CLASP1: variants seen among roughly 807,000 people sequenced by gnomAD.
The protein encoded by CLASP1 is CLIP-associating protein 1.
CLASP1 carries 38 observed loss-of-function variants against 192.3 expected under a neutral mutation model. The observed-to-expected ratio is 0.20, with a 90% CI of 0.15 to 0.26. The LOEUF (loss-of-function observed/expected upper bound fraction) is 0.26, where lower values mean the gene tolerates loss of function less well. Among genes scored for constraint, CLASP1 ranks in the 10% least tolerant of loss-of-function variants. The pLI, the probability that CLASP1 is intolerant of heterozygous loss-of-function variation, is 1.00. For synonymous variants in CLASP1, 691 were observed against 712.8 expected (o/e 0.97, Z 0.49); for missense variants, 1,433 against 1,932.5 (o/e 0.74, Z 4.85).
intron 1 of CLASP1, among the ~76,000 whole-genome samples, chr2:121,607,462 T>C (rs980722148): frequency 1.3e-5 from 2 of 152,330 alleles, no homozygotes; most frequent in South Asian, 2.1e-4. Context: ...AAAATCATGT[T>C]TGAGTAGGGT....
intron 7 of CLASP1, among the ~76,000 whole-genome samples, chr2:121,514,288 A>G (rs950007791): frequency 2.0e-5 from 3 of 152,242 alleles, no homozygotes; most frequent in Admixed American, 2.0e-4. Flanking sequence ...TCCCTGCAGC[A>G]GGGCAGGGTT....
intron 1 of CLASP1, among the ~76,000 whole-genome samples, chr2:121,634,537 T>G (rs556681060): frequency 3.5e-4 from 53 of 152,176 alleles, no homozygotes; most frequent in Non-Finnish European, 6.0e-4. Context: ...CTTTCATGAC[T>G]CCATAAAATC....
At chr2:121,519,794 T>C (rs2094415277) in intron 6 of CLASP1, among the ~76,000 whole-genome samples, 1 of 152,200 alleles carries the variant, frequency 6.6e-6, no homozygotes, top group African/African-American at 2.4e-5. Context: ...GAACTGCAGA[T>C]GAACAGGTAT....
intron 2 of CLASP1, among the ~76,000 whole-genome samples, chr2:121,576,987 T>G (rs1024213216): frequency 2.0e-5 from 3 of 152,172 alleles, no homozygotes; most frequent in Admixed American, 2.0e-4. Flanking sequence ...GGTAATTTTG[T>G]TAGGCGTGAT....
At chr2:121,450,433 A>G (rs573499258) in intron 16 of CLASP1, among the ~76,000 whole-genome samples, 8 of 152,294 alleles carry the variant, frequency 5.3e-5, no homozygotes, top group African/African-American at 1.9e-4. Flanking sequence ...ACTTGTTGAG[A>G]CAGAAACAAC....
At chr2:121,371,136 T>C (rs980869737) in intron 34 of CLASP1, among the ~76,000 whole-genome samples, 13 of 152,228 alleles carry the variant, frequency 8.5e-5, no homozygotes, top group Admixed American at 2.0e-4. Context: ...TAACACTGGT[T>C]ATCTCTAGAG....
At chr2:121,508,240 G>T (rs901225041) in intron 7 of CLASP1, among the ~76,000 whole-genome samples, 2 of 151,592 alleles carry the variant, frequency 1.3e-5, no homozygotes, top group African/African-American at 2.4e-5. Flanking sequence ...AGCAAAAAAA[G>T]AAGAAAACAG....
chr2:121,496,428 TC>T (rs1339322233), intron 8 of CLASP1, among the ~76,000 whole-genome samples: 9 of 152,114 alleles, frequency 5.9e-5, no homozygotes, highest in Admixed American at 3.3e-4. Context: ...TTTGCTCAGT[TC>T]TCTGTCAGCT....
chr2:121,558,551 G>A (rs1187528447), intron 2 of CLASP1, among the ~76,000 whole-genome samples: 1 of 152,172 alleles, frequency 6.6e-6, no homozygotes, highest in East Asian at 1.9e-4. Context: ...AGAAGAGGAA[G>A]AGAAACCTGA....
In CLASP1 at chr2:121,363,156, C is replaced by T. The variant is rs374987543; in HGVS notation, c.4206+16G>A. The T allele has an allele frequency of 9.3e-6, 15 of 1,613,902 alleles. No individual in the cohort carries two copies. The highest frequency in any genetic ancestry group is 1.2e-5 in the Non-Finnish European group (14 of 1,179,834). On this transcript the variant is annotated intron_variant, in intron 37 of 39. Coordinates refer to ENST00000263710, the Ensembl canonical transcript of CLASP1. Reference sequence around the variant, plus strand: ...GACCCGTCTGTTCAGCACCCCTGGCCACATGACTGACTCACCTCCTTATGG... The same window carrying T: ...GACCCGTCTGTTCAGCACCCCTGGCTACATGACTGACTCACCTCCTTATGG...
At chr2:121,462,411 T>C (rs961156504) in intron 10 of CLASP1, 121 bp downstream of exon 10, 13 of 596,122 alleles carry the variant, frequency 2.2e-5, no homozygotes, top group African/African-American at 2.0e-4. Flanking sequence ...AGATCTCCTG[T>C]AGTGCTGACA....
At chr2:121,644,650 G>A (rs927655236) in intron 1 of CLASP1, among the ~76,000 whole-genome samples, 5 of 151,802 alleles carry the variant, frequency 3.3e-5, no homozygotes, top group African/African-American at 9.7e-5. Flanking sequence ...GCAAGACTCC[G>A]TCTTGGGGGC....
intron 7 of CLASP1, among the ~76,000 whole-genome samples, chr2:121,508,502 C>T (rs2094011405): frequency 1.3e-5 from 2 of 152,130 alleles, no homozygotes; most frequent in African/African-American, 4.8e-5. Flanking sequence ...ATAAATTCTA[C>T]CTTGCCAGTA....
chr2:121,544,436 A>T (rs1215460318), intron 2 of CLASP1, among the ~76,000 whole-genome samples: 1 of 138,686 alleles, frequency 7.2e-6, no homozygotes. Context: ...CAAAAAATAT[A>T]TACAAAAAAA....
intron 37 of CLASP1, among the ~76,000 whole-genome samples, chr2:121,354,371 C>T (rs936230343): frequency 6.6e-6 from 1 of 152,210 alleles, no homozygotes; most frequent in Non-Finnish European, 1.5e-5. Flanking sequence ...CTTGGAAGAG[C>T]TCTGTCAGGT....
intron 10 of CLASP1, among the ~76,000 whole-genome samples, chr2:121,461,684 T>C (rs1156793984): frequency 6.6e-6 from 1 of 152,066 alleles, no homozygotes; most frequent in African/African-American, 2.4e-5. Context: ...GAACCCGAGA[T>C]TGTTTTTTGT....
intron 14 of CLASP1, among the ~76,000 whole-genome samples, chr2:121,455,660 G>T (rs2086480673): frequency 6.6e-6 from 1 of 152,144 alleles, no homozygotes; most frequent in African/African-American, 2.4e-5. Flanking sequence ...TGGAGGTTGA[G>T]GCCAGCCTGG....
Position 121,539,002 on chromosome 2 carries a change from T to C in CLASP1, c.196-8677A>G, listed in dbSNP as rs1361601886. 2.0e-5 allele frequency among the ~76,000 whole-genome samples: 3 copies of C among 152,114 alleles called. No homozygotes were observed. The East Asian group carries it at 5.8e-4, about 29-fold the overall frequency. On this transcript the variant is annotated intron_variant, in intron 2 of 39. Transcript: ENST00000263710. ...CTGCCCAAAAAGCTATGTAACAATT[T>C]TTAAAATTTTTTTAAGATAGCTAAA...
chr2:121,484,117 A>T (rs1478092486), intron 8 of CLASP1, among the ~76,000 whole-genome samples: 1 of 152,234 alleles, frequency 6.6e-6, no homozygotes, highest in Non-Finnish European at 1.5e-5. Context: ...AGATAAGTGC[A>T]GTTATTCTAC....
Sources: allele counts gnomAD v4.1 joint callset (sites outside exome capture counted in the v4.1 genomes callset), GRCh38; gene constraint gnomAD v4.1.1; transcripts MANE v1.5; gene names NCBI Gene and HGNC (gene_info 2026-07-23, HGNC 2026-07-21).